ARHGAP32: variants seen among roughly 807,000 people sequenced by gnomAD.
The protein encoded by ARHGAP32 is rho GTPase-activating protein 32.
ARHGAP32 carries 51 observed loss-of-function variants against 186.5 expected under a neutral mutation model. The ratio of observed to expected loss-of-function variants is 0.27; its 90% CI spans 0.22 to 0.35. ARHGAP32 has a LOEUF of 0.35. Among genes scored for constraint, ARHGAP32 ranks in the 10% least tolerant of loss-of-function variants. The pLI is 1.00. For synonymous variants in ARHGAP32, 950 were observed against 964.3 expected, an observed-to-expected ratio of 0.99 and a Z score of 0.27; for missense variants, 2,186 against 2,623.5, an observed-to-expected ratio of 0.83 and a Z score of 3.64.
At chr11:129,132,914 A>G (rs142380298) in intron 2 of ARHGAP32, among the ~76,000 whole-genome samples, 1,637 of 152,318 alleles carry the variant, frequency 0.011, 31 homozygotes, top group African/African-American at 0.037. Context: ...AAATTTTAGA[A>G]CAGAGAAATG....
At position 128,970,448 on chromosome 11, in the gene ARHGAP32, G is replaced by A. The variant is rs376422790; in HGVS notation, c.4765C>T (p.Pro1589Ser). Reference sequence around the variant, plus strand: ...ACTCTCCGGATGGTAGGGTACGGTGGAATGTCTTCGGGGTAACAGGTATTC... The same window carrying A: ...ACTCTCCGGATGGTAGGGTACGGTGAAATGTCTTCGGGGTAACAGGTATTC... ...VRNTCYPEDI[P>S]PYPTIRRVQS... The change falls in exon 23 of 23, where the codon CCA becomes TCA. Residue 1589 changes from proline to serine, a missense_variant. Around this residue, in one of 5 missense-constraint regions of ARHGAP32, gnomAD observed 1,502 missense variants for 1,570.0 expected, o/e 0.96. Transcript: ENST00000682385. This position sits in a 1 kb window ranked among gnomAD's most constrained non-coding sequence, Gnocchi z 5.8. 4 of 1,614,066 alleles carry A rather than the reference G, an allele frequency of 2.5e-6. No homozygotes were observed. In the South Asian group the frequency reaches 3.3e-5, roughly 13 times the overall value.
chr11:129,059,593 G>A (rs1048775166), intron 10 of ARHGAP32, among the ~76,000 whole-genome samples: 2 of 142,666 alleles, frequency 1.4e-5, no homozygotes, highest in Non-Finnish European at 3.0e-5. Flanking sequence ...TCTACCTCCC[G>A]GGTTCAAGAG....
intron 5 of ARHGAP32, among the ~76,000 whole-genome samples, chr11:129,100,853 C>T (rs1293805657): frequency 6.6e-6 from 1 of 152,182 alleles, no homozygotes; most frequent in Admixed American, 6.5e-5. Context: ...CACCCAGCTG[C>T]ATTGCCCCTG....
In ARHGAP32 at chr11:128,970,879, C is replaced by T; in HGVS notation, c.4334G>A (p.Ser1445Asn). ...SKMIAAIHSS[S>N]ADATSSSNYH... is the part of the protein sequence containing the mutation. ...ATTTGAACTGCTGGTGGCATCTGCACTGCTGGAGTGTATGGCAGCAATCAT... is the reference window on the plus strand; with the variant it reads ...ATTTGAACTGCTGGTGGCATCTGCATTGCTGGAGTGTATGGCAGCAATCAT... The change falls in exon 23 of 23, where the codon AGT becomes AAT. Residue 1445 changes from serine (S) to asparagine (N), a missense_variant. Around this residue, in one of 5 missense-constraint regions of ARHGAP32, gnomAD observed 1,502 missense variants for 1,570.0 expected, o/e 0.96. Coordinates refer to ENST00000682385, the MANE Select transcript of ARHGAP32 (RefSeq NM_001378024.1). This position sits in a 1 kb window ranked among gnomAD's most constrained non-coding sequence, Gnocchi z 5.8. 6.2e-7 allele frequency: 1 copy of T among 1,614,244 alleles called. No homozygotes were observed. The highest frequency in any genetic ancestry group is 1.3e-5 in the African/African-American group (1 of 75,066).
intron 12 of ARHGAP32, among the ~76,000 whole-genome samples, chr11:128,991,473 T>C (rs1946049115): frequency 6.6e-6 from 1 of 151,604 alleles, no homozygotes; most frequent in Non-Finnish European, 1.5e-5. Context: ...GAAGAAAAGA[T>C]CTGTTTTATT....
rs138683178 is a variant in ARHGAP32 at position 128,969,838 on chromosome 11, G to C, written c.5375C>G (p.Pro1792Arg). 4.3e-5 allele frequency: 70 copies of C among 1,614,048 alleles called. No homozygotes were observed. Among genetic ancestry groups the C allele is most frequent in the Middle Eastern group, 1.6e-4 (1 of 6,084 alleles). ...PVMSQYDNMT[P>R]AVQDDLGGIY... ...CCCACCCAAGTCGTCCTGCACCGCC[G>C]GGGTCATGTTATCATATTGGGACAT... is the stretch of plus-strand genomic sequence containing the variant. The change falls in exon 23 of 23, where the codon CCG becomes CGG. Residue 1792 changes from proline (P) to arginine (R), a missense_variant. Pro to Arg is a moderately radical substitution (Grantham distance 103). This residue lies in a region of ARHGAP32 where 1,502 missense variants were observed against 1,570.0 expected (regional missense o/e 0.96). Coordinates refer to ENST00000682385, the MANE Select transcript of ARHGAP32 (RefSeq NM_001378024.1). The surrounding 1 kb of genome is among the most constrained non-coding windows in gnomAD (Gnocchi z 4.8).
intron 1 of ARHGAP32, among the ~76,000 whole-genome samples, chr11:129,249,330 T>TAC (rs936778678): frequency 4.0e-5 from 6 of 151,696 alleles, no homozygotes; most frequent in East Asian, 3.9e-4. Context: ...TATATATATA[T>TAC]ACACACACAC....
At chr11:129,086,626 C>A (rs1350811979) in intron 6 of ARHGAP32, among the ~76,000 whole-genome samples, 2 of 152,058 alleles carry the variant, frequency 1.3e-5, no homozygotes, top group African/African-American at 4.8e-5. Context: ...TCGAGACCAT[C>A]CCGGCTAGCA....
intron 1 of ARHGAP32, among the ~76,000 whole-genome samples, chr11:129,263,954 A>C (rs1945359039): frequency 6.6e-6 from 1 of 152,232 alleles, no homozygotes; most frequent in Non-Finnish European, 1.5e-5. Flanking sequence ...TCATAGCAGC[A>C]CTATTCAAAA....
At chr11:129,225,341 G>A (rs566318956) in intron 1 of ARHGAP32, among the ~76,000 whole-genome samples, 21 of 152,116 alleles carry the variant, frequency 1.4e-4, no homozygotes, top group South Asian at 1.2e-3. Flanking sequence ...AAAGAAGTCC[G>A]GACAAGACTG....
At chr11:129,274,211 T>C (rs1031501427) in intron 1 of ARHGAP32, among the ~76,000 whole-genome samples, 2 of 152,208 alleles carry the variant, frequency 1.3e-5, no homozygotes, top group African/African-American at 2.4e-5. Flanking sequence ...ATCTACTTTA[T>C]AAAATCCTTA....
At chr11:129,109,871 T>C (rs1942157123) in intron 5 of ARHGAP32, among the ~76,000 whole-genome samples, 1 of 152,124 alleles carries the variant, frequency 6.6e-6, no homozygotes, top group African/African-American at 2.4e-5. Flanking sequence ...CATTTACAAA[T>C]ATTTCCTCCC....
At chr11:129,037,580 A>G (rs1939402081) in intron 11 of ARHGAP32, among the ~76,000 whole-genome samples, 1 of 152,018 alleles carries the variant, frequency 6.6e-6, no homozygotes, top group Non-Finnish European at 1.5e-5. Context: ...AATACTGTTA[A>G]TAATATTTCC....
At chr11:129,256,451 T>G (rs954550966) in intron 1 of ARHGAP32, among the ~76,000 whole-genome samples, 7 of 152,116 alleles carry the variant, frequency 4.6e-5, no homozygotes, top group Non-Finnish European at 2.9e-5. Flanking sequence ...GGGAGCTCTA[T>G]GGTTTCAATA....
intron 5 of ARHGAP32, among the ~76,000 whole-genome samples, chr11:129,093,983 T>C (rs1941659283): frequency 6.6e-6 from 1 of 152,150 alleles, no homozygotes; most frequent in Admixed American, 6.5e-5. Flanking sequence ...TGAGAGATAG[T>C]ATGACATAAC....
rs1945236886 is a variant in ARHGAP32 at position 128,967,026 on chromosome 11, C to T, written c.*1881G>A. 6.6e-6 allele frequency: 1 copy of T among 152,206 alleles called. No individual in the cohort carries two copies. Among genetic ancestry groups the T allele is most frequent in the African/African-American group, 2.4e-5 (1 of 41,444 alleles). The allele number at this position is 152,206 out of a possible 1,614,324, so 9.4% of individuals were successfully genotyped here. ...TTTAATGTAGAGGCCTCAATTTCCA[C>T]AGACCTTTTCACATATGGGTGTTTC... On this transcript the variant is annotated 3_prime_UTR_variant, in exon 23 of 23. Transcript: ENST00000682385.
intron 1 of ARHGAP32, among the ~76,000 whole-genome samples, chr11:129,205,881 A>G (rs1405203918): frequency 3.3e-5 from 5 of 152,142 alleles, no homozygotes; most frequent in Non-Finnish European, 5.9e-5. Flanking sequence ...AATATCATTT[A>G]ATTTAAATAT....
rs534023331 is a variant in ARHGAP32 at position 129,204,564 on chromosome 11, G to A, written c.-4-40137C>T. On this transcript the variant is annotated intron_variant, in intron 1 of 6. Coordinates refer to the ARHGAP32 transcript ENST00000525234. ...TTTTCAATCTGCCGTTTACTTACTG[G>A]TATCCTTACCTGTATAGTTCACTCT... Among the ~76,000 whole-genome samples the A allele has an allele frequency of 7.9e-5, 12 of 152,260 alleles. No homozygotes were observed. In the East Asian group the frequency reaches 2.3e-3, roughly 29 times the overall value.
intron 6 of ARHGAP32, 33 bp downstream of exon 6, chr11:129,093,588 C>T (rs1366109674): frequency 6.9e-7 from 1 of 1,453,364 alleles, no homozygotes; most frequent in Non-Finnish European, 9.6e-7. Context: ...TTCTTAACTT[C>T]ATATGAAATG....
Sources: allele counts gnomAD v4.1 joint callset (sites outside exome capture counted in the v4.1 genomes callset), GRCh38; gene constraint gnomAD v4.1.1; regional missense constraint gnomAD v4.1.1; non-coding constraint Gnocchi (gnomAD v3.1); transcripts MANE v1.5; gene names NCBI Gene and HGNC (gene_info 2026-07-23, HGNC 2026-07-21).